FBN3: variants seen among roughly 807,000 people sequenced by gnomAD.
The protein encoded by FBN3 is fibrillin-3.
FBN3 carries 234 observed loss-of-function variants against 330.1 expected under a neutral mutation model. The observed-to-expected ratio is 0.71, with a 90% CI of 0.64 to 0.79. The LOEUF is 0.79. FBN3 is among the 30% of genes least tolerant of loss of function. The pLI is 0.00. For missense variants in FBN3, 3,606 were observed against 3,886.9 expected (o/e 0.93, Z 1.92); for synonymous variants, 1,458 against 1,517.3 (o/e 0.96, Z 0.91).
intron 38 of FBN3, among the ~76,000 whole-genome samples, chr19:8,103,964 C>T (rs1327709946): frequency 6.6e-6 from 1 of 151,578 alleles, no homozygotes; most frequent in African/African-American, 2.4e-5. Flanking sequence ...AGCAAGACCC[C>T]ATCTCTACTA....
intron 32 of FBN3, 141 bp from the exon 33 acceptor site, chr19:8,111,324 T>C (rs2082576831): frequency 2.7e-6 from 3 of 1,121,308 alleles, no homozygotes; most frequent in Non-Finnish European, 3.7e-6. Flanking sequence ...GTCCCTGACT[T>C]GGGGGTGGGA....
intron 36 of FBN3, among the ~76,000 whole-genome samples, chr19:8,108,465 G>A (rs1184703451): frequency 6.6e-6 from 1 of 152,074 alleles, no homozygotes; most frequent in Non-Finnish European, 1.5e-5. Context: ...GCGTGTGTGT[G>A]TGTAAATGTG....
At chr19:8,117,340 G>A in intron 27 of FBN3, 49 bp from the exon 28 acceptor site, 1 of 1,537,728 alleles carries the variant, frequency 6.5e-7, no homozygotes, top group Non-Finnish European at 8.8e-7. Flanking sequence ...GAGGGGTCCA[G>A]GATGGGGAGG....
chr19:8,089,984 C>A lies in FBN3; in HGVS notation c.6185-25G>T, dbSNP rs1425351291. 3.8e-6 allele frequency: 6 copies of A among 1,595,468 alleles called. No homozygotes were observed. The South Asian group carries it at 5.5e-5, about 15-fold the overall frequency. ...GCTGGACGGAGAGGGGGAGGGGAGT[C>A]AGAGTCAGGGCCTAGGTGCAGCCCC... On this transcript the variant is annotated intron_variant, in intron 49 of 63. Coordinates refer to ENST00000600128, the MANE Select transcript of FBN3 (RefSeq NM_032447.5).
chr19:8,136,223 A>AGCCC lies in FBN3; in HGVS notation c.1428_1431dup (p.Phe478GlyfsTer49). 6.2e-7 allele frequency: 1 copy of AGCCC among 1,612,520 alleles called. No individual in the cohort carries two copies. Among genetic ancestry groups the AGCCC allele is most frequent in the Non-Finnish European group, 8.5e-7 (1 of 1,179,660 alleles). On this transcript the variant is annotated frameshift_variant, in exon 12 of 64. Transcript: ENST00000600128. LOFTEE classifies it high-confidence loss of function. ...GCCTGCCTGGTGGGCGTGGCCTGGAAGCCCGGGTAGCACCGGCAGTGGTAG... is the reference window on the plus strand; with the variant it reads ...GCCTGCCTGGTGGGCGTGGCCTGGAAGCCCGCCCGGGTAGCACCGGCAGTGGTAG...
Position 8,121,310 on chromosome 19 carries a change from G to T in FBN3, c.3159C>A (p.Cys1053Ter). 6.2e-7 allele frequency: 1 copy of T among 1,613,236 alleles called. No individual in the cohort carries two copies. The highest frequency in any genetic ancestry group is 8.5e-7 in the Non-Finnish European group (1 of 1,179,532). ...CACTCTCGTAGCCGGGAAAACACTCGCACTCAAAGCTGCCCGGCGTGTTGA... is the reference window on the plus strand; with the variant it reads ...CACTCTCGTAGCCGGGAAAACACTCTCACTCAAAGCTGCCCGGCGTGTTGA... ...TCVNTPGSFE[C>*]ECFPGYESGF... Residue 1053 changes from cysteine (C) to a stop codon, truncating the protein, a stop_gained, in exon 25 of 64, where the codon TGC (cysteine) becomes TGA (stop). Coordinates refer to ENST00000600128, the MANE Select transcript of FBN3 (RefSeq NM_032447.5). LOFTEE classifies it high-confidence loss of function. The surrounding 1 kb of genome is among the most constrained non-coding windows in gnomAD (Gnocchi z 4.5).
chr19:8,118,805 TCTCA>T, intron 26 of FBN3, 88 bp downstream of exon 26: 5 of 1,484,860 alleles, frequency 3.4e-6, no homozygotes, highest in Admixed American at 1.7e-5. Flanking sequence ...ATGCCCACCC[TCTCA>T]CTCATCCAGC....
Position 8,109,658 on chromosome 19 carries a change from G to A in FBN3, c.4429C>T (p.Leu1477=). The A allele has an allele frequency of 1.3e-6, 2 of 1,588,842 alleles. No individual in the cohort carries two copies. The highest frequency in any genetic ancestry group is 2.3e-5 in the South Asian group (2 of 86,786). ...YLCSCPQDFE[L]NPSGVGCVDT... ...ACGCAGCCCACTCCGCTGGGGTTCA[G>A]CTCAAAATCCTGGGGGCAGCTGCAG... The change falls in exon 35 of 64, where the codon CTG becomes TTG. Residue 1477 remains leucine (L), a synonymous_variant. Coordinates refer to ENST00000600128, the MANE Select transcript of FBN3 (RefSeq NM_032447.5). This position sits in a 1 kb window ranked among gnomAD's most constrained non-coding sequence, Gnocchi z 5.2.
intron 13 of FBN3, 143 bp downstream of exon 13, chr19:8,135,817 GT>G (rs2083264349): frequency 3.7e-6 from 3 of 817,966 alleles, no homozygotes; most frequent in Non-Finnish European, 5.8e-6. Context: ...AGAGTCTCAG[GT>G]GGGCTGCTGG....
chr19:8,102,626 AAGG>A (rs2082350986), intron 40 of FBN3, 95 bp downstream of exon 40: 4 of 1,222,622 alleles, frequency 3.3e-6, no homozygotes, highest in Non-Finnish European at 4.7e-6. Context: ...TCATCAGAAC[AAGG>A]AGGATTAATC....
intron 63 of FBN3, among the ~76,000 whole-genome samples, chr19:8,070,681 C>T (rs1354966164): frequency 6.6e-6 from 1 of 152,164 alleles, no homozygotes; most frequent in Non-Finnish European, 1.5e-5. Context: ...TGGGCATGTG[C>T]CCTAACCTCT....
At chr19:8,090,515 C>G (rs12976159) in intron 48 of FBN3, among the ~76,000 whole-genome samples, 87,181 of 147,760 alleles carry the variant, frequency 0.59, 26,716 homozygotes, top group African/African-American at 0.72. Flanking sequence ...ATGGAGTCTT[C>G]CTCTGTTGAC....
At chr19:8,098,291 A>ACTGGAAACAAACTAAGTGTCCATCAATG (rs2082253177) in intron 41 of FBN3, among the ~76,000 whole-genome samples, 1 of 150,066 alleles carries the variant, frequency 6.7e-6, no homozygotes, top group Admixed American at 6.6e-5. Flanking sequence ...GTCCATCAGT[A>ACTGGAAACAAACTAAGTGTCCATCAATG]GGGGACTGGA....
intron 6 of FBN3, among the ~76,000 whole-genome samples, chr19:8,143,819 C>CTTTCTTTCTTTT (rs1555757013): frequency 4.3e-5 from 5 of 117,632 alleles, no homozygotes; most frequent in African/African-American, 8.9e-5. Flanking sequence ...TTCTTTCTTT[C>CTTTCTTTCTTTT]TTTTTTTTTT....
intron 13 of FBN3, 25 bp downstream of exon 13, chr19:8,135,936 G>GGGGGGGGGGGGGGGGGGGGGGCCCCCCC: frequency 9.0e-6 from 6 of 668,776 alleles, no homozygotes; most frequent in Admixed American, 2.9e-5. Flanking sequence ...GGAAGCCCCT[G>GGGGGGGGGGGGGGGGGGGGGGCCCCCCC]CCCACCCGCC....
chr19:8,111,722 T>G lies in FBN3; in HGVS notation c.4010A>C (p.Asp1337Ala). 6.2e-7 allele frequency: 1 copy of G among 1,610,250 alleles called. No individual in the cohort carries two copies. The highest frequency in any genetic ancestry group is 2.2e-5 in the East Asian group (1 of 44,632). The part of the protein sequence containing the change: ...SQEHRCSPRG[D>A]CLNVPGSYRC... ...GTAGGAGCCAGGGACATTGAGACAG[T>G]CACCTCTTGGGCTGCACCGGTGCTC... Residue 1337 changes from aspartate (D) to alanine (A), a missense_variant, in exon 32 of 64, where the codon GAC becomes GCC. Transcript: ENST00000600128.
chr19:8,090,130 G>A lies in FBN3; in HGVS notation c.6153C>T (p.Asp2051=). Residue 2051 remains aspartate (D), a synonymous_variant, in exon 49 of 64, where the codon GAC becomes GAT. Transcript: ENST00000600128. ...CCTCCTGGGGACACAGTTCGCAGGGGTCTCCCCAGCCCTCCCCAGGCCTCT... is the reference window on the plus strand; with the variant it reads ...CCTCCTGGGGACACAGTTCGCAGGGATCTCCCCAGCCCTCCCCAGGCCTCT... ...CSKRPGEGWG[D]PCELCPQEGS... 1.2e-6 allele frequency: 2 copies of A among 1,614,056 alleles called. No homozygotes were observed. The highest frequency in any genetic ancestry group is 4.5e-5 in the East Asian group (2 of 44,862).
chr19:8,146,048 A>G (rs1231118518), intron 4 of FBN3, 79 bp downstream of exon 4: 6 of 1,506,348 alleles, frequency 4.0e-6, no homozygotes, highest in African/African-American at 2.8e-5. Context: ...TCCTTCAACA[A>G]AAGCAGCCCA....
At chr19:8,080,031 C>G (rs2081739438) in intron 59 of FBN3, among the ~76,000 whole-genome samples, 1 of 152,248 alleles carries the variant, frequency 6.6e-6, no homozygotes, top group Middle Eastern at 3.2e-3. Context: ...CAAACCATTT[C>G]TGTTTCTGTA....
Sources: allele counts gnomAD v4.1 joint callset (sites outside exome capture counted in the v4.1 genomes callset), GRCh38; gene constraint gnomAD v4.1.1; non-coding constraint Gnocchi (gnomAD v3.1); transcripts MANE v1.5; gene names NCBI Gene and HGNC (gene_info 2026-07-23, HGNC 2026-07-21).